The following CTNNA3 variants were observed in gnomAD, a reference collection of about 807,000 sequenced individuals.
CTNNA3 encodes catenin alpha 3, also known as catenin alpha-3.
A neutral mutation model predicts 95.7 loss-of-function variants in CTNNA3; 76 were observed. The observed-to-expected ratio is 0.79, with a 90% confidence interval of 0.66 to 0.96. CTNNA3 has a LOEUF of 0.96. Ranked by LOEUF, CTNNA3 falls within the 40% of genes least tolerant of loss-of-function variation. The pLI, the probability that CTNNA3 is intolerant of heterozygous loss-of-function variation, is 0.00. For synonymous variants in CTNNA3, 431 were observed against 374.4 expected (o/e 1.15, Z -1.74); for missense variants, 1,191 against 1,089.8 (o/e 1.09, Z -1.31).
intron 7 of CTNNA3, among the ~76,000 whole-genome samples, chr10:66,856,932 T>G (rs12775362): frequency 0.58 from 88,772 of 151,884 alleles, 27,027 homozygotes; most frequent in African/African-American, 0.64. Flanking sequence ...GTCAATTTTT[T>G]ATTTTGTTGC....
intron 3 of CTNNA3, among the ~76,000 whole-genome samples, chr10:67,586,939 C>A (rs964433696): frequency 2.0e-5 from 3 of 151,986 alleles, no homozygotes; most frequent in African/African-American, 7.2e-5. Flanking sequence ...ATTTCTTTCT[C>A]TTCCTCCTTT....
intron 5 of CTNNA3, among the ~76,000 whole-genome samples, chr10:67,309,296 C>T (rs1840685814): frequency 6.6e-6 from 1 of 152,178 alleles, no homozygotes; most frequent in Non-Finnish European, 1.5e-5. Context: ...ACTACTCACT[C>T]ACCATCATCA....
At chr10:67,258,590 G>GA (rs1439559828) in intron 5 of CTNNA3, among the ~76,000 whole-genome samples, 1 of 152,028 alleles carries the variant, frequency 6.6e-6, no homozygotes, top group Non-Finnish European at 1.5e-5. Flanking sequence ...ATTGTAGTAA[G>GA]AACACAAAAT....
At chr10:65,962,289 A>G (rs1362438372) in intron 17 of CTNNA3, among the ~76,000 whole-genome samples, 1 of 152,128 alleles carries the variant, frequency 6.6e-6, no homozygotes, top group Non-Finnish European at 1.5e-5. Flanking sequence ...TTCAACAAGC[A>G]AAACCTGAAT....
chr10:67,725,087 A>G (rs965514754), intron 1 of CTNNA3, among the ~76,000 whole-genome samples: 16 of 152,120 alleles, frequency 1.1e-4, no homozygotes, highest in African/African-American at 3.6e-4. Flanking sequence ...CAGGGTATAC[A>G]CTATTTGATA....
intron 9 of CTNNA3, among the ~76,000 whole-genome samples, chr10:66,748,655 A>T (rs1222008290): frequency 1.3e-5 from 2 of 152,208 alleles, no homozygotes; most frequent in Non-Finnish European, 2.9e-5. Context: ...TAAATGAATA[A>T]ACCAATTAAC....
chr10:66,842,157 G>T (rs1471654664), intron 7 of CTNNA3, among the ~76,000 whole-genome samples: 2 of 151,308 alleles, frequency 1.3e-5, no homozygotes, highest in Non-Finnish European at 2.9e-5. Context: ...TGCCCAGGCT[G>T]GTCTTGAACC....
intron 5 of CTNNA3, among the ~76,000 whole-genome samples, chr10:67,405,721 A>T (rs1346380068): frequency 6.6e-6 from 1 of 152,082 alleles, no homozygotes; most frequent in Admixed American, 6.6e-5. Context: ...TATCTATAGA[A>T]CTCTACACCC....
intron 7 of CTNNA3, among the ~76,000 whole-genome samples, chr10:66,915,752 A>AT (rs3056549): frequency 0.039 from 5,393 of 137,212 alleles, 380 homozygotes; most frequent in East Asian, 0.35. Context: ...ACATATATAC[A>AT]TTTTTTTTTT....
intron 7 of CTNNA3, among the ~76,000 whole-genome samples, chr10:66,900,153 A>C (rs558380368): frequency 1.8e-4 from 27 of 152,238 alleles, no homozygotes; most frequent in African/African-American, 6.5e-4. Context: ...CTTCCAGAGG[A>C]AGGATCAGGC....
chr10:66,476,285 G>A (rs1051652151), intron 11 of CTNNA3, among the ~76,000 whole-genome samples: 1 of 151,972 alleles, frequency 6.6e-6, no homozygotes, highest in East Asian at 1.9e-4. Flanking sequence ...TTTAGGTGAT[G>A]GGTTGACAGG....
At chr10:66,899,719 G>A (rs965681624) in intron 7 of CTNNA3, among the ~76,000 whole-genome samples, 1 of 152,086 alleles carries the variant, frequency 6.6e-6, no homozygotes, top group Non-Finnish European at 1.5e-5. Context: ...GGCTCAGCAG[G>A]TACCACGCCC....
At chr10:67,675,432 C>A (rs1314249242) in intron 1 of CTNNA3, among the ~76,000 whole-genome samples, 1 of 152,108 alleles carries the variant, frequency 6.6e-6, no homozygotes, top group Non-Finnish European at 1.5e-5. Context: ...ATCTGCTCCA[C>A]ATTTTTCTCA....
intron 7 of CTNNA3, among the ~76,000 whole-genome samples, chr10:67,043,297 T>C (rs546747349): frequency 2.0e-5 from 3 of 152,104 alleles, no homozygotes; most frequent in Non-Finnish European, 4.4e-5. Flanking sequence ...CATTCATATA[T>C]TCTCTGATCA....
At chr10:67,099,022 G>A (rs1270837688) in intron 7 of CTNNA3, 1 of 151,802 alleles carries the variant, frequency 6.6e-6, no homozygotes, top group Non-Finnish European at 1.5e-5. Context: ...ATAGATATGA[G>A]CCATGGTGGA....
At chr10:66,088,275 T>C (rs531930850) in intron 14 of CTNNA3, among the ~76,000 whole-genome samples, 1 of 152,198 alleles carries the variant, frequency 6.6e-6, no homozygotes, top group Admixed American at 6.6e-5. Context: ...ATATGTGTCA[T>C]TATTTTACAA....
chr10:66,700,495 CT>C, intron 9 of CTNNA3, among the ~76,000 whole-genome samples: 1 of 152,242 alleles, frequency 6.6e-6, no homozygotes, highest in African/African-American at 2.4e-5. Context: ...GTCCATGCAT[CT>C]GTTTTTATGC....
chr10:67,385,588 G>A (rs376160179), intron 5 of CTNNA3, among the ~76,000 whole-genome samples: 1 of 152,134 alleles, frequency 6.6e-6, no homozygotes, highest in African/African-American at 2.4e-5. Flanking sequence ...TATGTGTATA[G>A]TTAAAAACAC....
At chr10:66,724,934 G>A (rs1848735504) in intron 9 of CTNNA3, among the ~76,000 whole-genome samples, 1 of 152,090 alleles carries the variant, frequency 6.6e-6, no homozygotes, top group Admixed American at 6.6e-5. Context: ...TCAAAGTGGG[G>A]ACTGGTTCCA....
Sources: gnomAD v4.1 joint callset for allele counts (sites outside exome capture counted in the v4.1 genomes callset) on GRCh38, gnomAD v4.1.1 for gene constraint, MANE v1.5 for transcripts, NCBI Gene and HGNC (gene_info 2026-07-23, HGNC 2026-07-21) for gene names.